The following PPIE variants were observed in gnomAD, a reference collection of about 807,000 sequenced individuals.
PPIE encodes the protein peptidyl-prolyl cis-trans isomerase E.
A neutral mutation model predicts 38.4 loss-of-function variants in PPIE; 20 were observed. The observed-to-expected ratio is 0.52, with a 90% CI of 0.37 to 0.76. The LOEUF (loss-of-function observed/expected upper bound fraction) is 0.76, where lower values mean the gene tolerates loss of function less well. PPIE is among the 30% of genes least tolerant of loss of function. The pLI, the probability that PPIE is intolerant of heterozygous loss-of-function variation, is 0.00. For synonymous variants in PPIE, 142 were observed against 135.7 expected (o/e 1.05, Z -0.32); for missense variants, 322 against 385.8 (o/e 0.83, Z 1.39).
At chr1:39,740,369 A>C in intron 2 of PPIE, 106 bp downstream of exon 2, 1 of 864,798 alleles carries the variant, frequency 1.2e-6, no homozygotes, top group Non-Finnish European at 1.8e-6. Flanking sequence ...TGGTTAGTAT[A>C]CACTACAGGT....
In PPIE at chr1:39,755,546, T is replaced by C. The variant is rs999324775; in HGVS notation, c.*2191T>C. The C allele has an allele frequency of 1.4e-4, 138 of 985,080 alleles. No individual in the cohort carries two copies. Among genetic ancestry groups the C allele is most frequent in the Middle Eastern group, 5.2e-4 (1 of 1,936 alleles). 61.0% of individuals were successfully genotyped at this position (985,080 alleles called of 1,614,324 possible). On this transcript the variant is annotated 3_prime_UTR_variant, in exon 10 of 10. Coordinates refer to ENST00000324379, the MANE Select transcript of PPIE (RefSeq NM_006112.4). ...ATGGCCATCAGAGGTCAGTCACAGG[T>C]GTTAGGCAGGCATCTATGAAGCTGG...
chr1:39,756,375 T>C lies in PPIE; in HGVS notation c.*3020T>C, dbSNP rs1234530298. 4 of 985,166 alleles carry C rather than the reference T, an allele frequency of 4.1e-6. No homozygotes were observed. In the African/African-American group the frequency reaches 7.0e-5, roughly 17 times the overall value. The allele number at this position is 985,166 out of a possible 1,614,324, so 61.0% of individuals were successfully genotyped here. Reference sequence around the variant, plus strand: ...CTGATTCATTTCCCCCCTAACTCATTCAGAGTTGAGCCCCATCTGAGTCCC... The same window carrying C: ...CTGATTCATTTCCCCCCTAACTCATCCAGAGTTGAGCCCCATCTGAGTCCC... On this transcript the variant is annotated 3_prime_UTR_variant, in exon 10 of 10. Transcript: ENST00000324379.
At chr1:39,761,550 C>T (rs565874245), downstream of PPIE, among the ~76,000 whole-genome samples, 7 of 152,058 alleles carry the variant, frequency 4.6e-5, no homozygotes, top group Admixed American at 2.0e-4. Context: ...AATAAAACAC[C>T]TTCATTCAGA....
intron 6 of PPIE, among the ~76,000 whole-genome samples, chr1:39,744,749 A>G (rs1478214279): frequency 1.3e-5 from 2 of 152,200 alleles, no homozygotes; most frequent in Non-Finnish European, 2.9e-5. Context: ...CCCACGCCAG[A>G]AATTTGAATG....
At chr1:39,760,242 G>A (rs896781297), downstream of PPIE, 11 of 1,083,610 alleles carry the variant, frequency 1.0e-5, no homozygotes, top group Non-Finnish European at 1.4e-5. Context: ...CAAATGCCTG[G>A]CAGGGCAAGG....
Position 39,754,901 on chromosome 1 carries a change from T to G in PPIE, c.*1546T>G. The G allele has an allele frequency of 1.9e-6, 1 of 538,202 alleles. No homozygotes were observed. The allele number at this position is 538,202 out of a possible 1,614,324, so 33.3% of individuals were successfully genotyped here. A position where few individuals can be genotyped will look rare whatever the true frequency, so the allele number is the denominator to read the frequency against. ...ATCACAGCAACATCTAGACTAGTGT[T>G]TGACTAAAAACTGGATACCATGGCC... On this transcript the variant is annotated 3_prime_UTR_variant, in exon 10 of 10. Coordinates refer to ENST00000324379, the MANE Select transcript of PPIE (RefSeq NM_006112.4).
chr1:39,749,586 A>C (rs1174097904), intron 8 of PPIE, among the ~76,000 whole-genome samples: 1 of 152,006 alleles, frequency 6.6e-6, no homozygotes, highest in East Asian at 1.9e-4. Context: ...TGAAGCCCTC[A>C]TATCATCACC....
rs1162679336 is a variant in PPIE at position 39,752,968 on chromosome 1, A to G, written c.753A>G (p.Thr251=). 4.3e-6 allele frequency: 7 copies of G among 1,614,098 alleles called. No homozygotes were observed. The highest frequency in any genetic ancestry group is 5.9e-6 in the Non-Finnish European group (7 of 1,180,030). Residue 251 remains threonine, a synonymous_variant, in exon 9 of 10, where the codon ACA becomes ACG. Transcript: ENST00000324379. ...CCAATGGCTCTCAGTTCTTCCTGAC[A>G]TGTGACAAGACAGACTGGCTGGATG... ...PNTNGSQFFL[T]CDKTDWLDGK... is the part of the protein sequence containing the mutation.
At chr1:39,741,057 CTT>C (rs1557441323) in intron 2 of PPIE, among the ~76,000 whole-genome samples, 1 of 152,138 alleles carries the variant, frequency 6.6e-6, no homozygotes, top group Non-Finnish European at 1.5e-5. Flanking sequence ...GGTCAAATGA[CTT>C]TATTTTTCTA....
rs76046361 is a variant in PPIE at position 39,755,825 on chromosome 1, G to C, written c.*2470G>C. 0.055 allele frequency: 54,081 copies of C among 985,338 alleles called. 1,667 individuals carry two copies. The highest frequency in any genetic ancestry group is 0.12 in the Middle Eastern group (238 of 1,914). The allele number at this position is 985,338 out of a possible 1,614,324, so 61.0% of individuals were successfully genotyped here. On this transcript the variant is annotated 3_prime_UTR_variant, in exon 10 of 10. Coordinates refer to ENST00000324379, the MANE Select transcript of PPIE (RefSeq NM_006112.4). The stretch of plus-strand genomic sequence containing the variant: ...GTTATTGAATGCACACTGGAACCCT[G>C]CACAGGTAAACTGAGGCTTTATTGG...
chr1:39,763,548 A>C, intron 9 of PPIE: 2 of 1,129,450 alleles, frequency 1.8e-6, no homozygotes, highest in South Asian at 3.5e-5. Context: ...ACAAAAAAAA[A>C]ACCCTTTCTC....
rs1017974068 is a variant in PPIE, at chr1:39,745,378, G to A, written c.388G>A (p.Glu130Lys). 2 of 1,614,218 alleles carry A rather than the reference G, an allele frequency of 1.2e-6. No homozygotes were observed. The highest frequency in any genetic ancestry group is 1.1e-5 in the South Asian group (1 of 91,080). ...EPPKAETQEG[E>K]PIAKKARSNP... ...TAGCAATTTCTTCTGCACCTAGGGA[G>A]AGCCCATTGCTAAAAAGGCCCGCTC... The change falls in exon 7 of 10, where the codon GAG becomes AAG. Residue 130 changes from glutamate to lysine, a missense_variant. Coordinates refer to ENST00000324379, the MANE Select transcript of PPIE (RefSeq NM_006112.4).
In PPIE at chr1:39,755,484, C is replaced by G. The variant is rs1648169718; in HGVS notation, c.*2129C>G. The G allele has an allele frequency of 1.0e-6, 1 of 985,322 alleles. No homozygotes were observed. The highest frequency in any genetic ancestry group is 1.2e-6 in the Non-Finnish European group (1 of 829,936). The allele number at this position is 985,322 out of a possible 1,614,324, so 61.0% of individuals were successfully genotyped here. A position where few individuals can be genotyped will look rare whatever the true frequency, so the allele number is the denominator to read the frequency against. ...CCCTATGGAGCTTCCAAAAGAGACCCTCCCTCAAAGCACAGCCCCTTCTCT... is the reference window on the plus strand; with the variant it reads ...CCCTATGGAGCTTCCAAAAGAGACCGTCCCTCAAAGCACAGCCCCTTCTCT... On this transcript the variant is annotated 3_prime_UTR_variant, in exon 10 of 10. Transcript: ENST00000324379.
At position 39,763,760 on chromosome 1, in the gene PPIE, G is replaced by C. The variant is rs766708012; in HGVS notation, c.*18G>C. On this transcript the variant is annotated 3_prime_UTR_variant, in exon 10 of 10. Coordinates refer to the PPIE transcript ENST00000356511. Reference sequence around the variant, plus strand: ...TGACGTAGAGCTCGTGCCGACGGCAGACCTGCCGGCCGTGGGAGCCGTGGA... The same window carrying C: ...TGACGTAGAGCTCGTGCCGACGGCACACCTGCCGGCCGTGGGAGCCGTGGA... 51 of 1,604,358 alleles carry C rather than the reference G, an allele frequency of 3.2e-5. 3 individuals are homozygous for C. Among genetic ancestry groups the C allele is most frequent in the Non-Finnish European group, 3.7e-5 (44 of 1,175,202 alleles).
At chr1:39,763,751 C>T in exon 10 of PPIE, 4 of 1,604,054 alleles carry the variant, frequency 2.5e-6, no homozygotes, top group Non-Finnish European at 3.4e-6. Flanking sequence ...AGAGCTCGTG[C>T]CGACGGCAGA....
At chr1:39,760,156 CG>C, downstream of PPIE, 1 of 565,354 alleles carries the variant, frequency 1.8e-6, no homozygotes, top group African/African-American at 1.9e-5. Context: ...GACATGCCTC[CG>C]GGAGAGGCGT....
intron 1 of PPIE, chr1:39,739,160 C>T (rs1359051732): frequency 9.5e-6 from 4 of 421,132 alleles, no homozygotes; most frequent in Non-Finnish European, 1.6e-5. Context: ...TCTCCAGCTT[C>T]TTTGCTTTGC....
chr1:39,755,877 G>A lies in PPIE; in HGVS notation c.*2522G>A, dbSNP rs1046578474. 13 of 985,254 alleles carry A rather than the reference G, an allele frequency of 1.3e-5. No homozygotes were observed. Among genetic ancestry groups the A allele is most frequent in the South Asian group, 4.7e-5 (1 of 21,280 alleles). 61.0% of individuals were successfully genotyped at this position (985,254 alleles called of 1,614,324 possible). ...GTGACTGCCAAAGGTCACACAGGGTGGTTTGGCAGAGCTGGGATTAGAAGC... is the reference window on the plus strand; with the variant it reads ...GTGACTGCCAAAGGTCACACAGGGTAGTTTGGCAGAGCTGGGATTAGAAGC... On this transcript the variant is annotated 3_prime_UTR_variant, in exon 10 of 10. Coordinates refer to ENST00000324379, the MANE Select transcript of PPIE (RefSeq NM_006112.4).
At chr1:39,742,991 A>C in intron 4 of PPIE, 1 of 460,502 alleles carries the variant, frequency 2.2e-6, no homozygotes, top group South Asian at 3.7e-5. Context: ...TTCTGAACCC[A>C]GAGTTACTTT....
Sources: gnomAD v4.1 joint callset for allele counts (sites outside exome capture counted in the v4.1 genomes callset) on GRCh38, gnomAD v4.1.1 for gene constraint, MANE v1.5 for transcripts, NCBI Gene and HGNC (gene_info 2026-07-23, HGNC 2026-07-21) for gene names.